AGBL4: variants seen among roughly 807,000 people sequenced by gnomAD.
AGBL4 encodes cytosolic carboxypeptidase 6.
AGBL4 carries 58 observed loss-of-function variants against 66.4 expected under a neutral mutation model. That is an observed-to-expected ratio of 0.87 (90% CI 0.71 to 1.09). The LOEUF is 1.09. AGBL4 is among the 50% of genes least tolerant of loss of function. AGBL4 has a pLI of 0.00. For missense variants in AGBL4, 579 were observed against 631.0 expected, an observed-to-expected ratio of 0.92 and a Z score of 0.88; for synonymous variants, 234 against 222.9, an observed-to-expected ratio of 1.05 and a Z score of -0.44.
chr1:49,989,477 T>C (rs981859276), intron 1 of AGBL4, among the ~76,000 whole-genome samples: 1 of 152,202 alleles, frequency 6.6e-6, no homozygotes, highest in South Asian at 2.1e-4. Context: ...ACATATCCAA[T>C]ACTATAGGTA....
chr1:49,465,869 G>A (rs950753718), intron 3 of AGBL4, among the ~76,000 whole-genome samples: 1 of 151,850 alleles, frequency 6.6e-6, no homozygotes, highest in Admixed American at 6.6e-5. Flanking sequence ...GATAACAAAT[G>A]ATCTTTCTGT....
intron 6 of AGBL4, among the ~76,000 whole-genome samples, chr1:48,700,612 C>G (rs72902849): frequency 0.021 from 3,223 of 152,288 alleles, 114 homozygotes; most frequent in African/African-American, 0.073. Flanking sequence ...CTGCATGTCC[C>G]TCTGCTGTGT....
At chr1:49,591,791 A>G (rs1306618245) in intron 3 of AGBL4, among the ~76,000 whole-genome samples, 1 of 152,178 alleles carries the variant, frequency 6.6e-6, no homozygotes, top group Admixed American at 6.5e-5. Context: ...CTGCACACCT[A>G]CAACCATCTG....
At chr1:48,622,061 C>T (rs576277746) in intron 9 of AGBL4, among the ~76,000 whole-genome samples, 1 of 152,276 alleles carries the variant, frequency 6.6e-6, no homozygotes, top group East Asian at 1.9e-4. Context: ...CCACAGGGCT[C>T]TCTATGAATC....
At chr1:49,883,607 A>G (rs560254596) in intron 1 of AGBL4, among the ~76,000 whole-genome samples, 3 of 152,222 alleles carry the variant, frequency 2.0e-5, no homozygotes, top group Admixed American at 1.3e-4. Flanking sequence ...TGAATTACTA[A>G]AACAAAAAAA....
Position 49,605,752 on chromosome 1 carries a change from T to C in AGBL4, c.282+91561A>G, listed in dbSNP as rs977984930. On this transcript the variant is annotated intron_variant, in intron 3 of 13. Transcript: ENST00000371839. ...CATCATGGCCTCTTTTCATTTCTCT[T>C]ATATGACCAAGGGCCACTGAAAATA... Among the ~76,000 whole-genome samples the C allele has an allele frequency of 3.9e-5, 6 of 152,190 alleles. No individual in the cohort carries two copies. In the Middle Eastern group the frequency reaches 0.014, roughly 345 times the overall value.
At chr1:49,513,574 C>CT (rs1226831369) in intron 3 of AGBL4, among the ~76,000 whole-genome samples, 1 of 151,940 alleles carries the variant, frequency 6.6e-6, no homozygotes, top group East Asian at 1.9e-4. Flanking sequence ...ATTCATGTTG[C>CT]TTCAAAGGAC....
At chr1:49,275,727 A>G (rs35599813) in intron 3 of AGBL4, among the ~76,000 whole-genome samples, 573 of 152,216 alleles carry the variant, frequency 3.8e-3, no homozygotes, top group Middle Eastern at 0.037. Flanking sequence ...TGTATCCTAA[A>G]TTCTTTCTTG....
At chr1:48,878,969 A>G (rs978028483) in intron 5 of AGBL4, among the ~76,000 whole-genome samples, 3 of 152,128 alleles carry the variant, frequency 2.0e-5, no homozygotes, top group Admixed American at 6.6e-5. Flanking sequence ...TGATTGACCA[A>G]GACTTTCTAC....
intron 3 of AGBL4, among the ~76,000 whole-genome samples, chr1:49,444,530 T>G (rs1012380889): frequency 2.6e-5 from 4 of 151,922 alleles, no homozygotes; most frequent in African/African-American, 9.7e-5. Context: ...TGTAATAACC[T>G]TTTTTTTCCT....
intron 5 of AGBL4, among the ~76,000 whole-genome samples, chr1:49,040,238 TA>T (rs1643904283): frequency 6.6e-6 from 1 of 151,980 alleles, no homozygotes; most frequent in Non-Finnish European, 1.5e-5. Context: ...TCAATATAAT[TA>T]GTCATAAGGG....
chr1:49,923,119 C>A (rs1652427420), intron 1 of AGBL4, among the ~76,000 whole-genome samples: 1 of 152,080 alleles, frequency 6.6e-6, no homozygotes, highest in Admixed American at 6.6e-5. Flanking sequence ...CAAAAACAGA[C>A]ACATAGTCCA....
intron 5 of AGBL4, among the ~76,000 whole-genome samples, chr1:48,917,361 T>C (rs992026204): frequency 1.3e-5 from 2 of 152,122 alleles, no homozygotes; most frequent in African/African-American, 4.8e-5. Context: ...TATGAGACAA[T>C]AGATGTGTAG....
At chr1:48,710,973 C>T (rs1218873292) in intron 6 of AGBL4, among the ~76,000 whole-genome samples, 9 of 151,536 alleles carry the variant, frequency 5.9e-5, no homozygotes, top group African/African-American at 2.2e-4. Flanking sequence ...AAACCTCTCA[C>T]ATGGATTTCT....
At chr1:49,930,675 G>C (rs376489901) in intron 1 of AGBL4, among the ~76,000 whole-genome samples, 48 of 151,908 alleles carry the variant, frequency 3.2e-4, no homozygotes, top group South Asian at 6.2e-4. Flanking sequence ...AACATGTAAC[G>C]ATCTCAATAT....
chr1:49,433,889 G>A (rs1645843070), intron 3 of AGBL4, among the ~76,000 whole-genome samples: 1 of 152,162 alleles, frequency 6.6e-6, no homozygotes, highest in African/African-American at 2.4e-5. Context: ...ATCTGAATCT[G>A]TGGGAAGCAC....
At chr1:49,147,115 TG>T (rs1442302062) in intron 4 of AGBL4, among the ~76,000 whole-genome samples, 1 of 151,920 alleles carries the variant, frequency 6.6e-6, no homozygotes, top group East Asian at 1.9e-4. Flanking sequence ...TGCAAGGTGG[TG>T]GGGTGGGGGA....
chr1:49,485,350 C>A (rs935811910), intron 3 of AGBL4, among the ~76,000 whole-genome samples: 2 of 150,320 alleles, frequency 1.3e-5, no homozygotes, highest in African/African-American at 4.9e-5. Flanking sequence ...AGCAAACTAT[C>A]GCAAGGACAA....
At chr1:49,057,678 T>G (rs1644331334) in intron 4 of AGBL4, among the ~76,000 whole-genome samples, 1 of 152,194 alleles carries the variant, frequency 6.6e-6, no homozygotes. Context: ...TTAATATCCC[T>G]CAGAGCAACT....
Sources: gnomAD v4.1 joint callset for allele counts (sites outside exome capture counted in the v4.1 genomes callset) on GRCh38, gnomAD v4.1.1 for gene constraint, MANE v1.5 for transcripts, NCBI Gene and HGNC (gene_info 2026-07-23, HGNC 2026-07-21) for gene names.